The following NCOR2 variants were observed in gnomAD, a reference collection of about 807,000 sequenced individuals.
NCOR2 encodes nuclear receptor corepressor 2.
Under a neutral mutation model 262.9 loss-of-function variants are expected in NCOR2, and 81 were observed. The ratio of observed to expected loss-of-function variants is 0.31; its 90% CI spans 0.26 to 0.37. The LOEUF (loss-of-function observed/expected upper bound fraction) is 0.37. NCOR2 is among the 10% of genes least tolerant of loss of function. The pLI is 1.00. For missense variants in NCOR2, 3,385 were observed against 3,621.4 expected, an observed-to-expected ratio of 0.93 and a Z score of 1.68; for synonymous variants, 1,659 against 1,559.3, an observed-to-expected ratio of 1.06 and a Z score of -1.51.
intron 19 of NCOR2, among the ~76,000 whole-genome samples, chr12:124,374,066 G>A (rs1010956217): frequency 1.4e-4 from 21 of 152,286 alleles, no homozygotes; most frequent in Admixed American, 5.2e-4. Flanking sequence ...ACCCACACCC[G>A]GCTCTTCTTT....
At chr12:124,464,274 G>A (rs1168364135) in intron 5 of NCOR2, among the ~76,000 whole-genome samples, 1 of 152,248 alleles carries the variant, frequency 6.6e-6, no homozygotes, top group Non-Finnish European at 1.5e-5. Flanking sequence ...TCCAGGCAGA[G>A]GGCCAAGGCA....
At chr12:124,333,935 CAT>C (rs1491516563) in intron 41 of NCOR2, among the ~76,000 whole-genome samples, 5 of 135,948 alleles carry the variant, frequency 3.7e-5, no homozygotes, top group East Asian at 2.2e-4. Context: ...TGTGCGCGCG[CAT>C]GTGTGTGGGT....
intron 18 of NCOR2, among the ~76,000 whole-genome samples, chr12:124,376,969 C>T (rs558387544): frequency 1.3e-5 from 2 of 152,320 alleles, no homozygotes; most frequent in East Asian, 3.9e-4. Context: ...CAGGGGCCTT[C>T]GGTCACGCCA....
chr12:124,364,712 C>T (rs924006047), intron 20 of NCOR2, among the ~76,000 whole-genome samples: 4 of 152,216 alleles, frequency 2.6e-5, no homozygotes, highest in African/African-American at 9.7e-5. Context: ...TCTGGCTCCC[C>T]ACTTGGCATG....
rs2050745205 is a variant in NCOR2 at position 124,531,033 on chromosome 12, C to T, written c.-118+4532G>A. Reference sequence around the variant, plus strand: ...ACTGATGCCTGCTGTCCGGACAGGACACGGTTCCTGGGCTCCACCCAACCC... The same window carrying T: ...ACTGATGCCTGCTGTCCGGACAGGATACGGTTCCTGGGCTCCACCCAACCC... On this transcript the variant is annotated intron_variant, in intron 1 of 46. Coordinates refer to the NCOR2 transcript ENST00000404621. The surrounding 1 kb of genome is among the most constrained non-coding windows in gnomAD (Gnocchi z 4.5). Among the ~76,000 whole-genome samples, 1 of 152,158 alleles carries T rather than the reference C, an allele frequency of 6.6e-6. No individual in the cohort carries two copies. Among genetic ancestry groups the T allele is most frequent in the Non-Finnish European group, 1.5e-5 (1 of 68,028 alleles).
chr12:124,493,813 G>A (rs1186260271), intron 1 of NCOR2, among the ~76,000 whole-genome samples: 4 of 152,224 alleles, frequency 2.6e-5, no homozygotes, highest in Non-Finnish European at 5.9e-5. Context: ...AGAGGCACGG[G>A]GGAGTGGGGG....
rs1385765722 is a variant in NCOR2, at chr12:124,443,795, C to T, written c.816-5799G>A. 6.6e-6 allele frequency among the ~76,000 whole-genome samples: 1 copy of T among 152,176 alleles called. No homozygotes were observed. The highest frequency in any genetic ancestry group is 1.5e-5 in the Non-Finnish European group (1 of 68,044). ...GGATTACAGGTGTGAGCCACCGCAC[C>T]CGGCTGGTGCTTTCTAAAATCCTAA... is the stretch of plus-strand genomic sequence containing the variant. On this transcript the variant is annotated intron_variant, in intron 7 of 46. Coordinates refer to ENST00000405201, the Ensembl canonical transcript of NCOR2. This position sits in a 1 kb window ranked among gnomAD's most constrained non-coding sequence, Gnocchi z 4.4.
intron 22 of NCOR2, among the ~76,000 whole-genome samples, chr12:124,359,324 G>A (rs1199713857): frequency 1.3e-5 from 2 of 152,234 alleles, no homozygotes; most frequent in Non-Finnish European, 1.5e-5. Flanking sequence ...GAACAAAGGA[G>A]GTTCTGAGGG....
chr12:124,344,922 C>T lies in NCOR2; in HGVS notation c.4389G>A (p.Ala1463=), dbSNP rs191598312. Residue 1463 remains alanine, a synonymous_variant, in exon 32 of 47, where the codon GCG becomes GCA. Coordinates refer to ENST00000405201, the Ensembl canonical transcript of NCOR2. The stretch of plus-strand genomic sequence containing the variant: ...CGTGCTTTTTGGAGCCAGTGGTGGA[C>T]GCGCCGGTGTCGTACTTGAGCGGGG... The T allele has an allele frequency of 6.8e-4, 1,071 of 1,565,816 alleles. 1 individual carries two copies. In the Middle Eastern group the frequency reaches 0.011, roughly 16 times the overall value.
chr12:124,385,047 GGAA>G (rs2040696804), intron 17 of NCOR2, among the ~76,000 whole-genome samples: 4 of 152,170 alleles, frequency 2.6e-5, no homozygotes, highest in African/African-American at 9.6e-5. Flanking sequence ...AGGGAGGAAG[GGAA>G]GGAGGAGGAA....
intron 1 of NCOR2, among the ~76,000 whole-genome samples, chr12:124,551,989 G>A (rs1268914816): frequency 1.3e-5 from 2 of 151,996 alleles, no homozygotes; most frequent in Non-Finnish European, 2.9e-5. Flanking sequence ...TTGGGACCAG[G>A]TACTCCAGCT....
At chr12:124,439,269 C>CCCAGAGAGACAGAGACA in intron 7 of NCOR2, among the ~76,000 whole-genome samples, 1 of 5,362 alleles carries the variant, frequency 1.9e-4, no homozygotes, top group African/African-American at 7.7e-4. Context: ...AGATGGAGAC[C>CCCAGAGAGACAGAGACA]CTGAGACAGA....
chr12:124,562,302 C>G (rs1200458663), intron 1 of NCOR2: 1 of 152,250 alleles, frequency 6.6e-6, no homozygotes, highest in African/African-American at 2.4e-5. Flanking sequence ...CATCTCCCAT[C>G]ACCGCAGGAG....
At chr12:124,369,466 T>TG (rs1006152837) in intron 20 of NCOR2, among the ~76,000 whole-genome samples, 49 of 151,518 alleles carry the variant, frequency 3.2e-4, no homozygotes, top group Non-Finnish European at 5.0e-4. Context: ...AGGGGTCGCC[T>TG]GGGGGGCCCG....
intron 13 of NCOR2, among the ~76,000 whole-genome samples, chr12:124,408,678 G>A (rs1405466977): frequency 6.6e-6 from 1 of 152,118 alleles, no homozygotes; most frequent in African/African-American, 2.4e-5. Flanking sequence ...AAACCTGGGA[G>A]ATCAAGGCTG....
At position 124,500,413 on chromosome 12, in the gene NCOR2, T is replaced by C. The variant is rs545127539; in HGVS notation, c.-117-5045A>G. ...CTGCCAGGCAGCAGCAGAAGCCAAGTGGGCCACATTCCCTGTTCCCGGCCA... is the reference window on the plus strand; with the variant it reads ...CTGCCAGGCAGCAGCAGAAGCCAAGCGGGCCACATTCCCTGTTCCCGGCCA... On this transcript the variant is annotated intron_variant, in intron 1 of 46. Coordinates refer to the NCOR2 transcript ENST00000404621. 2.3e-3 allele frequency among the ~76,000 whole-genome samples: 348 copies of C among 152,278 alleles called. 1 individual carries two copies. The highest frequency in any genetic ancestry group is 4.3e-3 in the Admixed American group (66 of 15,306).
At chr12:124,453,819 G>A (rs1383850836) in intron 6 of NCOR2, among the ~76,000 whole-genome samples, 1 of 152,262 alleles carries the variant, frequency 6.6e-6, no homozygotes, top group African/African-American at 2.4e-5. Context: ...CAGCTGGGCT[G>A]GAGGGGCCGT....
At chr12:124,427,456 G>A (rs2043617673) in intron 10 of NCOR2, among the ~76,000 whole-genome samples, 2 of 152,304 alleles carry the variant, frequency 1.3e-5, no homozygotes, top group South Asian at 2.1e-4. Flanking sequence ...CCCAAATCTC[G>A]CAGCCAGCCA....
At chr12:124,449,726 G>GCCCACGT (rs1212547194) in intron 7 of NCOR2, 89 bp downstream of exon 9, 6 of 1,471,408 alleles carry the variant, frequency 4.1e-6, no homozygotes, top group Non-Finnish European at 5.6e-6. Context: ...GGAACAGAGA[G>GCCCACGT]CCCACGTCCC....
Sources: gnomAD v4.1 joint callset for allele counts (sites outside exome capture counted in the v4.1 genomes callset) on GRCh38, gnomAD v4.1.1 for gene constraint, Gnocchi (gnomAD v3.1) non-coding constraint, MANE v1.5 for transcripts, NCBI Gene and HGNC (gene_info 2026-07-23, HGNC 2026-07-21) for gene names.